Variants in EPB41 observed in about 807,000 individuals in gnomAD.
The protein encoded by EPB41 is protein 4.1.
In EPB41, 65 loss-of-function variants were observed where a neutral mutation model predicts 108.0. The observed-to-expected ratio is 0.60, with a 90% CI of 0.49 to 0.74. The LOEUF (loss-of-function observed/expected upper bound fraction) is 0.74, where lower values mean the gene tolerates loss of function less well. Among genes scored for constraint, EPB41 ranks in the 30% least tolerant of loss-of-function variants. EPB41 has a pLI of 0.00. For synonymous variants in EPB41, 336 were observed against 358.9 expected, an observed-to-expected ratio of 0.94 and a Z score of 0.72; for missense variants, 875 against 1,037.0, an observed-to-expected ratio of 0.84 and a Z score of 2.15.
intron 1 of EPB41, among the ~76,000 whole-genome samples, chr1:28,930,293 A>G (rs998904529): frequency 4.0e-4 from 60 of 149,952 alleles, no homozygotes; most frequent in Admixed American, 1.5e-3. Flanking sequence ...AGTAGTTGGA[A>G]TTACAGACAC....
intron 1 of EPB41, among the ~76,000 whole-genome samples, chr1:28,967,300 G>A (rs1260696209): frequency 6.6e-6 from 1 of 152,174 alleles, no homozygotes; most frequent in African/African-American, 2.4e-5. Flanking sequence ...TTACAGGCGT[G>A]AGCCACCACG....
chr1:28,900,683 A>G (rs931243829), intron 1 of EPB41, among the ~76,000 whole-genome samples: 1 of 152,046 alleles, frequency 6.6e-6, no homozygotes, highest in Non-Finnish European at 1.5e-5. Flanking sequence ...TCCTGAGGCT[A>G]AAGAGGGTTT....
chr1:29,078,873 GGTTT>G (rs1558255541), intron 16 of EPB41, among the ~76,000 whole-genome samples: 1 of 151,982 alleles, frequency 6.6e-6, no homozygotes, highest in Non-Finnish European at 1.5e-5. Context: ...CCCTTCATTT[GGTTT>G]GTTTTAAGGA....
chr1:29,052,478 A>C (rs1390008837), intron 11 of EPB41, among the ~76,000 whole-genome samples: 4 of 152,236 alleles, frequency 2.6e-5, no homozygotes, highest in Non-Finnish European at 5.9e-5. Context: ...TGACAGTCAA[A>C]GATTTTGAAT....
chr1:29,037,673 A>T (rs1173318684), intron 10 of EPB41, among the ~76,000 whole-genome samples: 6 of 150,868 alleles, frequency 4.0e-5, no homozygotes, highest in Non-Finnish European at 8.8e-5. Flanking sequence ...AGTAGCTGGG[A>T]CTATAGATGC....
Position 29,018,436 on chromosome 1 carries a change from C to T in EPB41, c.1118C>T (p.Ser373Leu). Residue 373 changes from serine (S) to leucine (L), a missense_variant, in exon 7 of 21, where the codon TCA becomes TTA. Physicochemically the swap from Ser to Leu is moderately radical, Grantham distance 145. Transcript: ENST00000343067. This position sits in a 1 kb window ranked among gnomAD's most constrained non-coding sequence, Gnocchi z 4.4. ...LEEKVMELHK[S>L]YRSMTPAQAD... ...GAGAAGGTCATGGAACTGCATAAGT[C>T]ATACAGGTGAATATGTCTCCAGGGT... 1 of 1,613,894 alleles carries T rather than the reference C, an allele frequency of 6.2e-7. No homozygotes were observed. The highest frequency in any genetic ancestry group is 1.3e-5 in the African/African-American group (1 of 75,002).
In EPB41 at chr1:28,918,724, C is replaced by T. The variant is rs2092862238; in HGVS notation, c.-8+3956C>T. Among the ~76,000 whole-genome samples, 3 of 152,122 alleles carry T rather than the reference C, an allele frequency of 2.0e-5. No homozygotes were observed. In the South Asian group the frequency reaches 6.2e-4, roughly 32 times the overall value. On this transcript the variant is annotated intron_variant, in intron 1 of 20. Coordinates refer to ENST00000343067, the MANE Select transcript of EPB41 (RefSeq NM_001376013.1). ...CCTTTGAGTTTGAGACCACTGCATT[C>T]CAGCCTGGGCAACAGAGTGAAATTC...
intron 4 of EPB41, among the ~76,000 whole-genome samples, chr1:29,008,618 CT>C (rs1225932776): frequency 6.6e-6 from 1 of 152,180 alleles, no homozygotes; most frequent in Non-Finnish European, 1.5e-5. Flanking sequence ...TCTGGTCCCC[CT>C]GGCTACAGTC....
chr1:28,957,756 A>G (rs532514051), intron 1 of EPB41, among the ~76,000 whole-genome samples: 1 of 152,278 alleles, frequency 6.6e-6, no homozygotes, highest in East Asian at 1.9e-4. Context: ...GGTCTTTAAA[A>G]ATGGCCTATT....
intron 1 of EPB41, among the ~76,000 whole-genome samples, chr1:28,949,496 A>C (rs986055669): frequency 6.6e-6 from 1 of 152,138 alleles, no homozygotes; most frequent in Non-Finnish European, 1.5e-5. Context: ...CAACAGATAG[A>C]TCTTTAAAAA....
chr1:29,114,354 A>G (rs1178512787), intron 19 of EPB41, among the ~76,000 whole-genome samples: 3 of 152,140 alleles, frequency 2.0e-5, no homozygotes, highest in Non-Finnish European at 4.4e-5. Flanking sequence ...TAAAATCCCT[A>G]TTGCACGGCT....
intron 2 of EPB41, among the ~76,000 whole-genome samples, chr1:28,989,109 G>C (rs1361086651): frequency 1.3e-5 from 2 of 152,198 alleles, no homozygotes; most frequent in East Asian, 3.8e-4. Flanking sequence ...GTATGTGATA[G>C]ATTCAAGTCA....
chr1:29,030,573 A>G, intron 8 of EPB41, 86 bp downstream of exon 8: 1 of 1,044,298 alleles, frequency 9.6e-7, no homozygotes, highest in Non-Finnish European at 1.5e-6. Context: ...CATCTGTGTC[A>G]TATAATACTT....
chr1:29,012,478 C>G (rs1199226718), intron 5 of EPB41, among the ~76,000 whole-genome samples: 1 of 152,184 alleles, frequency 6.6e-6, no homozygotes, highest in Non-Finnish European at 1.5e-5. Flanking sequence ...GCTCCTAGCT[C>G]TAACTCTAAT....
intron 1 of EPB41, chr1:28,902,471 G>A (rs759421615): frequency 3.7e-5 from 30 of 813,414 alleles, no homozygotes; most frequent in Non-Finnish European, 4.5e-5. Context: ...GACACTGGGA[G>A]CCAGGCTTGG....
At chr1:29,067,872 T>C (rs1463138037) in intron 16 of EPB41, among the ~76,000 whole-genome samples, 3 of 152,186 alleles carry the variant, frequency 2.0e-5, no homozygotes, top group Non-Finnish European at 4.4e-5. Flanking sequence ...GCCTCCATTT[T>C]CTGATATAAA....
intron 16 of EPB41, chr1:29,073,202 A>G (rs1035974305): frequency 4.0e-5 from 6 of 151,708 alleles, no homozygotes; most frequent in African/African-American, 1.5e-4. Context: ...TATTGGTGTT[A>G]CCCTGATTCA....
At chr1:29,086,567 C>T (rs940152867) in intron 16 of EPB41, among the ~76,000 whole-genome samples, 20 of 152,040 alleles carry the variant, frequency 1.3e-4, no homozygotes, top group African/African-American at 3.9e-4. Flanking sequence ...CCACCGCGCC[C>T]GGCCACCTTA....
At position 28,930,777 on chromosome 1, in the gene EPB41, A is replaced by G. The variant is rs558269050; in HGVS notation, c.-8+16009A>G. Among the ~76,000 whole-genome samples the G allele has an allele frequency of 2.0e-5, 3 of 152,212 alleles. No individual in the cohort carries two copies. The East Asian group carries it at 5.8e-4, about 29-fold the overall frequency. On this transcript the variant is annotated intron_variant, in intron 1 of 20. Transcript: ENST00000343067. ...TGAGATTACAGGCGTGAGCCACCGCACCTGGCCCATTTCATCACCTTTTTT... is the reference window on the plus strand; with the variant it reads ...TGAGATTACAGGCGTGAGCCACCGCGCCTGGCCCATTTCATCACCTTTTTT...
Sources: gnomAD v4.1 joint callset for allele counts (sites outside exome capture counted in the v4.1 genomes callset) on GRCh38, gnomAD v4.1.1 for gene constraint, Gnocchi (gnomAD v3.1) non-coding constraint, MANE v1.5 for transcripts, NCBI Gene and HGNC (gene_info 2026-07-23, HGNC 2026-07-21) for gene names.